The following ACP3 variants were observed in gnomAD, a reference collection of about 807,000 sequenced individuals.
The protein encoded by ACP3 is acid phosphatase 3, also known as prostatic acid phosphatase.
Under a neutral mutation model 45.6 loss-of-function variants are expected in ACP3, and 38 were observed. The observed-to-expected ratio is 0.83, with a 90% CI of 0.64 to 1.09. The LOEUF is 1.09. ACP3 is among the 50% of genes least tolerant of loss of function. ACP3 has a pLI of 0.00. For synonymous variants in ACP3, 162 were observed against 164.7 expected (o/e 0.98, Z 0.13); for missense variants, 466 against 463.2 (o/e 1.01, Z -0.05).
At chr3:132,347,905 A>G (rs1018215487) in intron 7 of ACP3, among the ~76,000 whole-genome samples, 1 of 150,088 alleles carries the variant, frequency 6.7e-6, no homozygotes, top group Non-Finnish European at 1.5e-5. Flanking sequence ...TTAGGATCAT[A>G]TGGCTGGTCA....
rs922392594 is a variant in ACP3 at position 132,330,874 on chromosome 3, C to T, written c.217-773C>T. On this transcript the variant is annotated intron_variant, in intron 2 of 9. Coordinates refer to ENST00000336375, the MANE Select transcript of ACP3 (RefSeq NM_001099.5). ...TTGTTAAAATGCAGATGTCAGGGCC[C>T]CACTCAGGAACTAATGAGCTGGAAT... Among the ~76,000 whole-genome samples, 3 of 152,272 alleles carry T rather than the reference C, an allele frequency of 2.0e-5. No individual in the cohort carries two copies. The South Asian group carries it at 6.2e-4, about 32-fold the overall frequency.
chr3:132,331,112 A>C (rs903882460), intron 2 of ACP3, among the ~76,000 whole-genome samples: 1 of 152,110 alleles, frequency 6.6e-6, no homozygotes, highest in Non-Finnish European at 1.5e-5. Flanking sequence ...TTTGATTTCT[A>C]TAATGCTTTT....
rs1576410208 is a variant in ACP3, at chr3:132,328,263, T to C, written c.121-4T>C. 1.2e-6 allele frequency: 2 copies of C among 1,612,642 alleles called. No individual in the cohort carries two copies. On this transcript the variant is annotated splice_polypyrimidine_tract_variant and splice_region_variant and intron_variant, in intron 1 of 9. Transcript: ENST00000336375. ...TAACATCACTCTCTCACATCTACTTTCAGGTGTTTCGGCATGGAGACCGAA... is the reference window on the plus strand; with the variant it reads ...TAACATCACTCTCTCACATCTACTTCCAGGTGTTTCGGCATGGAGACCGAA...
chr3:132,334,416 G>A (rs1937455917), intron 4 of ACP3, among the ~76,000 whole-genome samples: 1 of 152,196 alleles, frequency 6.6e-6, no homozygotes, highest in African/African-American at 2.4e-5. Flanking sequence ...AGGAGGCGAA[G>A]TTTTTCTAAT....
At chr3:132,337,106 G>A (rs1288221383) in intron 4 of ACP3, among the ~76,000 whole-genome samples, 1 of 151,110 alleles carries the variant, frequency 6.6e-6, no homozygotes, top group Admixed American at 6.6e-5. Context: ...GTGTACAGGT[G>A]TGCACCTACT....
At position 132,357,130 on chromosome 3, in the gene ACP3, T is replaced by A; in HGVS notation, c.*252T>A. On this transcript the variant is annotated 3_prime_UTR_variant, in exon 10 of 10. Transcript: ENST00000336375. Reference sequence around the variant, plus strand: ...GTAAAGGGGCAGCAGTGCCAAAATATAATCAGAGATAAAGCTTAGGTCAAA... The same window carrying A: ...GTAAAGGGGCAGCAGTGCCAAAATAAAATCAGAGATAAAGCTTAGGTCAAA... 8.4e-7 allele frequency: 1 copy of A among 1,185,400 alleles called. No homozygotes were observed. The highest frequency in any genetic ancestry group is 1.0e-6 in the Non-Finnish European group (1 of 952,838). 73.4% of individuals were successfully genotyped at this position (1,185,400 alleles called of 1,614,324 possible).
At chr3:132,342,221 G>A (rs765397361) in intron 5 of ACP3, among the ~76,000 whole-genome samples, 11 of 152,164 alleles carry the variant, frequency 7.2e-5, no homozygotes, top group Non-Finnish European at 1.3e-4. Flanking sequence ...TAATAATAAG[G>A]AATAATCAAT....
At chr3:132,359,739 G>A (rs1317839393), downstream of ACP3, among the ~76,000 whole-genome samples, 1 of 152,066 alleles carries the variant, frequency 6.6e-6, no homozygotes, top group East Asian at 1.9e-4. Flanking sequence ...ATATGATTAA[G>A]CAGCAAAAAA....
At chr3:132,319,978 G>A (rs116805541) in intron 1 of ACP3, among the ~76,000 whole-genome samples, 229 of 152,228 alleles carry the variant, frequency 1.5e-3, no homozygotes, top group African/African-American at 5.0e-3. Flanking sequence ...TCTTGTTCTC[G>A]GACTAACTGA....
rs1352453313 is a variant in ACP3 at position 132,337,458 on chromosome 3, G to T, written c.459G>T (p.Leu153Phe). ...TATGATTTTTCTCTTATCCTCAGTT[G>T]CTATACCTGCCTTTCAGGAACTGCC... ...VHTVPLSEDQ[L>F]LYLPFRNCPR... Residue 153 changes from leucine to phenylalanine, a missense_variant and splice_region_variant, in exon 5 of 10, where the codon TTG (leucine) becomes TTT (phenylalanine). Physicochemically the swap from Leu to Phe is conservative, Grantham distance 22. Coordinates refer to ENST00000336375, the MANE Select transcript of ACP3 (RefSeq NM_001099.5). 1.2e-6 allele frequency: 2 copies of T among 1,601,530 alleles called. No individual in the cohort carries two copies. Among genetic ancestry groups the T allele is most frequent in the South Asian group, 2.2e-5 (2 of 90,048 alleles).
chr3:132,358,557 G>A lies in ACP3; in HGVS notation c.*1679G>A. 1 of 1,154,168 alleles carries A rather than the reference G, an allele frequency of 8.7e-7. No individual in the cohort carries two copies. Among genetic ancestry groups the A allele is most frequent in the South Asian group, 1.7e-5 (1 of 57,454 alleles). The allele number at this position is 1,154,168 out of a possible 1,614,324, so 71.5% of individuals were successfully genotyped here. On this transcript the variant is annotated 3_prime_UTR_variant, in exon 10 of 10. Transcript: ENST00000336375. Reference sequence around the variant, plus strand: ...TGGTTTCTAGAGATGGTTTCTACTGGCTGCCAGAATCTAGAGCAAAGCCAT... The same window carrying A: ...TGGTTTCTAGAGATGGTTTCTACTGACTGCCAGAATCTAGAGCAAAGCCAT...
intron 1 of ACP3, among the ~76,000 whole-genome samples, chr3:132,324,046 C>T (rs941121763): frequency 1.6e-4 from 25 of 152,098 alleles, no homozygotes; most frequent in Non-Finnish European, 2.8e-4. Context: ...GGCGAAACCC[C>T]GTCTCTACTA....
At chr3:132,350,444 G>A (rs1271630277) in intron 8 of ACP3, among the ~76,000 whole-genome samples, 1 of 152,190 alleles carries the variant, frequency 6.6e-6, no homozygotes, top group Non-Finnish European at 1.5e-5. Context: ...CCAAAAAGTG[G>A]TACCAAATTA....
Position 132,345,474 on chromosome 3 carries a change from G to A in ACP3, c.781+415G>A, listed in dbSNP as rs536144828. ...AATTGTGTCTTGTGGCCTATATGAT[G>A]AATTTTTCAAGTGGGAGGTATGACA... On this transcript the variant is annotated intron_variant, in intron 7 of 9. Coordinates refer to ENST00000336375, the MANE Select transcript of ACP3 (RefSeq NM_001099.5). Among the ~76,000 whole-genome samples, 3 of 152,268 alleles carry A rather than the reference G, an allele frequency of 2.0e-5. No individual in the cohort carries two copies. In the South Asian group the frequency reaches 6.2e-4, roughly 32 times the overall value.
chr3:132,332,258 T>C lies in ACP3; in HGVS notation c.370T>C (p.Phe124Leu). The C allele has an allele frequency of 6.2e-7, 1 of 1,614,096 alleles. No individual in the cohort carries two copies. The highest frequency in any genetic ancestry group is 8.5e-7 in the Non-Finnish European group (1 of 1,180,000). ...MSAMTNLAAL[F>L]PPEGVSIWNP... ...TGCTATGACAAACCTGGCAGCCCTG[T>C]TTCCCCCAGAAGGTGTCAGCATCTG... Residue 124 changes from phenylalanine (F) to leucine (L), a missense_variant, in exon 4 of 10, where the codon TTT becomes CTT. By Grantham distance (22) the Phe-to-Leu change is conservative (BLOSUM62 0). Coordinates refer to ENST00000336375, the MANE Select transcript of ACP3 (RefSeq NM_001099.5).
chr3:132,337,450 C>T lies in ACP3; in HGVS notation c.457-6C>T. 1 of 1,580,896 alleles carries T rather than the reference C, an allele frequency of 6.3e-7. No homozygotes were observed. The highest frequency in any genetic ancestry group is 1.1e-5 in the South Asian group (1 of 88,682). ...AACAGTTTTATGATTTTTCTCTTAT[C>T]CTCAGTTGCTATACCTGCCTTTCAG... On this transcript the variant is annotated splice_region_variant and splice_polypyrimidine_tract_variant and intron_variant, in intron 4 of 9. Coordinates refer to ENST00000336375, the MANE Select transcript of ACP3 (RefSeq NM_001099.5).
chr3:132,322,044 A>C (rs1160936720), intron 1 of ACP3, among the ~76,000 whole-genome samples: 1 of 152,212 alleles, frequency 6.6e-6, no homozygotes, highest in Non-Finnish European at 1.5e-5. Context: ...AAATTGAGGA[A>C]AGGAAAGGGA....
At chr3:132,344,452 A>G (rs1937585668) in intron 6 of ACP3, among the ~76,000 whole-genome samples, 1 of 152,110 alleles carries the variant, frequency 6.6e-6, no homozygotes, top group Non-Finnish European at 1.5e-5. Context: ...TCTGAAAAAA[A>G]AAAAAGAAAA....
chr3:132,337,149 G>A (rs1576415723), intron 4 of ACP3, among the ~76,000 whole-genome samples: 1 of 151,658 alleles, frequency 6.6e-6, no homozygotes, highest in Admixed American at 6.6e-5. Context: ...AAGGAAGCAA[G>A]ATAACAGTTA....
Sources: gnomAD v4.1 joint callset for allele counts (sites outside exome capture counted in the v4.1 genomes callset) on GRCh38, gnomAD v4.1.1 for gene constraint, MANE v1.5 for transcripts, NCBI Gene and HGNC (gene_info 2026-07-23, HGNC 2026-07-21) for gene names.